RIC8B: variants seen among roughly 807,000 people sequenced by gnomAD.
RIC8B encodes RIC8 guanine nucleotide exchange factor B, also known as chaperone Ric-8B.
Under a neutral mutation model 57.5 loss-of-function variants are expected in RIC8B, and 16 were observed. The ratio of observed to expected loss-of-function variants is 0.28; its 90% CI spans 0.19 to 0.42. RIC8B has a LOEUF of 0.42. Ranked by LOEUF, RIC8B falls within the 10% of genes least tolerant of loss-of-function variation. The pLI is 1.00. For missense variants in RIC8B, 481 were observed against 677.0 expected (o/e 0.71, Z 3.21); for synonymous variants, 216 against 250.8 (o/e 0.86, Z 1.31).
chr12:106,791,908 T>A (rs2136196399), intron 2 of RIC8B, among the ~76,000 whole-genome samples: 1 of 152,360 alleles, frequency 6.6e-6, no homozygotes, highest in East Asian at 1.9e-4. Flanking sequence ...GGATGCTTGT[T>A]CTAAAAGCCC....
Position 106,879,306 on chromosome 12 carries a change from T to G in RIC8B, c.1572-6598T>G. The G allele has an allele frequency of 1.0e-6, 1 of 985,396 alleles. No individual in the cohort carries two copies. Among genetic ancestry groups the G allele is most frequent in the Non-Finnish European group, 1.2e-6 (1 of 829,912 alleles). The allele number at this position is 985,396 out of a possible 1,614,324, so 61.0% of individuals were successfully genotyped here. The stretch of plus-strand genomic sequence containing the variant: ...TTGCTTTCAGGTCAAGTAAAGTGTT[T>G]TATACACATACACGTCTGACCTATT... On this transcript the variant is annotated intron_variant, in intron 9 of 9. Coordinates refer to ENST00000392837, the MANE Select transcript of RIC8B (RefSeq NM_001330145.2). This position sits in a 1 kb window ranked among gnomAD's most constrained non-coding sequence, Gnocchi z 4.9.
At chr12:106,821,011 G>A (rs1593202660) in intron 3 of RIC8B, among the ~76,000 whole-genome samples, 1 of 152,172 alleles carries the variant, frequency 6.6e-6, no homozygotes, top group South Asian at 2.1e-4. Context: ...CAGGAGGAGA[G>A]AATATTGATG....
chr12:106,877,783 A>G (rs1468903008), intron 9 of RIC8B, among the ~76,000 whole-genome samples: 1 of 152,188 alleles, frequency 6.6e-6, no homozygotes, highest in Non-Finnish European at 1.5e-5. Flanking sequence ...ACACAAGTTA[A>G]TAAACTTTCT....
At chr12:106,796,746 A>G (rs2044501036) in intron 2 of RIC8B, among the ~76,000 whole-genome samples, 2 of 152,258 alleles carry the variant, frequency 1.3e-5, no homozygotes, top group African/African-American at 4.8e-5. Flanking sequence ...CTATCATGAA[A>G]GTAAAAAGAC....
chr12:106,793,193 C>G (rs554135235), intron 2 of RIC8B, among the ~76,000 whole-genome samples: 1 of 152,286 alleles, frequency 6.6e-6, no homozygotes, highest in South Asian at 2.1e-4. Flanking sequence ...CCAAGGAGAT[C>G]AAGGGTTGCT....
chr12:106,804,360 G>A (rs539458150), intron 2 of RIC8B, among the ~76,000 whole-genome samples: 36 of 151,938 alleles, frequency 2.4e-4, no homozygotes, highest in South Asian at 4.2e-4. Flanking sequence ...GATTACAGGC[G>A]CCCACTACCA....
rs1334733068 is a variant in RIC8B, at chr12:106,888,283, AAG to A, written c.*2273_*2274del. On this transcript the variant is annotated 3_prime_UTR_variant, in exon 10 of 10. Transcript: ENST00000392837. ...CTGGGCACTAAGCTTTGTTTTTGAA[AAG>A]AGAGTTTGCGGGGAAGAAGATGAGA... The A allele has an allele frequency of 2.0e-5, 3 of 152,192 alleles. No homozygotes were observed. Among genetic ancestry groups the A allele is most frequent in the East Asian group, 1.9e-4 (1 of 5,200 alleles). The allele number at this position is 152,192 out of a possible 1,614,324, so 9.4% of individuals were successfully genotyped here.
intron 4 of RIC8B, among the ~76,000 whole-genome samples, chr12:106,833,983 C>T (rs1055873782): frequency 1.3e-5 from 2 of 152,196 alleles, no homozygotes; most frequent in East Asian, 1.9e-4. Context: ...GCTCTCCCTT[C>T]GTCTTCCACC....
At chr12:106,862,181 TATA>T (rs1273817648) in intron 8 of RIC8B, among the ~76,000 whole-genome samples, 1 of 152,036 alleles carries the variant, frequency 6.6e-6, no homozygotes, top group Non-Finnish European at 1.5e-5. Flanking sequence ...GGACTTTGCT[TATA>T]ATATTCATAG....
At chr12:106,856,099 CT>C (rs1360916431) in intron 7 of RIC8B, among the ~76,000 whole-genome samples, 1 of 152,114 alleles carries the variant, frequency 6.6e-6, no homozygotes, top group Non-Finnish European at 1.5e-5. Flanking sequence ...ATTTTACCTC[CT>C]GTTAAATATC....
rs115825040 is a variant in RIC8B, at chr12:106,831,390, T to C, written c.836+5570T>C. On this transcript the variant is annotated intron_variant, in intron 4 of 9. Coordinates refer to ENST00000392837, the MANE Select transcript of RIC8B (RefSeq NM_001330145.2). ...CATGTGTTTATGATATGCAGTCTTA[T>C]GTAGAAAATCTGTTTCCCCTGGTCA... 6.8e-3 allele frequency among the ~76,000 whole-genome samples: 1,031 copies of C among 152,352 alleles called. 16 individuals carry two copies. The highest frequency in any genetic ancestry group is 0.024 in the African/African-American group (988 of 41,572).
At chr12:106,864,401 G>T (rs1395212756) in intron 8 of RIC8B, among the ~76,000 whole-genome samples, 1 of 152,046 alleles carries the variant, frequency 6.6e-6, no homozygotes, top group Non-Finnish European at 1.5e-5. Context: ...ATAATAGCTG[G>T]TATTTATTGA....
chr12:106,879,155 G>A lies in RIC8B; in HGVS notation c.1572-6749G>A. 1 of 985,780 alleles carries A rather than the reference G, an allele frequency of 1.0e-6. No individual in the cohort carries two copies. The highest frequency in any genetic ancestry group is 1.2e-6 in the Non-Finnish European group (1 of 829,900). 61.1% of individuals were successfully genotyped at this position (985,780 alleles called of 1,614,324 possible). On this transcript the variant is annotated intron_variant, in intron 9 of 9. Coordinates refer to ENST00000392837, the MANE Select transcript of RIC8B (RefSeq NM_001330145.2). This position sits in a 1 kb window ranked among gnomAD's most constrained non-coding sequence, Gnocchi z 4.9. ...ATTCGAAGGGACTCTTGGGAGATCT[G>A]CAAGTGGGAAACAAGAATGCATTTT...
chr12:106,889,058 G>A lies in RIC8B; in HGVS notation c.*3043G>A, dbSNP rs567189220. ...CACCTGTATTGACCTCTTCCCCTCT[G>A]ATTATAAAAGTAATATATGTTCATT... On this transcript the variant is annotated 3_prime_UTR_variant, in exon 10 of 10. Coordinates refer to ENST00000392837, the MANE Select transcript of RIC8B (RefSeq NM_001330145.2). 6.6e-6 allele frequency: 1 copy of A among 152,144 alleles called. No individual in the cohort carries two copies. The highest frequency in any genetic ancestry group is 2.1e-4 in the South Asian group (1 of 4,810). The allele number at this position is 152,144 out of a possible 1,614,324, so 9.4% of individuals were successfully genotyped here.
At chr12:106,870,736 C>A in intron 8 of RIC8B, 87 bp from the exon 9 acceptor site, 1 of 1,114,432 alleles carries the variant, frequency 9.0e-7, no homozygotes, top group Non-Finnish European at 1.2e-6. Flanking sequence ...TATACTCTTT[C>A]TTATTATCAC....
At chr12:106,862,542 A>C (rs939768981) in intron 8 of RIC8B, among the ~76,000 whole-genome samples, 3 of 152,102 alleles carry the variant, frequency 2.0e-5, no homozygotes, top group African/African-American at 7.2e-5. Flanking sequence ...TTACCAATCA[A>C]GCTTATAAAG....
intron 7 of RIC8B, among the ~76,000 whole-genome samples, chr12:106,859,655 T>C (rs1407008113): frequency 6.6e-6 from 1 of 152,134 alleles, no homozygotes; most frequent in Non-Finnish European, 1.5e-5. Context: ...AATTAGTAAT[T>C]GGTAGAGCCA....
chr12:106,823,305 CAA>C, intron 3 of RIC8B: 1 of 342,024 alleles, frequency 2.9e-6, no homozygotes, highest in Non-Finnish European at 6.0e-6. Context: ...ACCAGCGATG[CAA>C]AGAGCAGAGG....
intron 5 of RIC8B, 82 bp from the exon 6 acceptor site, chr12:106,843,770 A>T: frequency 1.1e-6 from 1 of 883,170 alleles, no homozygotes; most frequent in Non-Finnish European, 1.7e-6. Context: ...ACAAATTGAT[A>T]TCCTCAGTTA....
Sources: allele counts gnomAD v4.1 joint callset (sites outside exome capture counted in the v4.1 genomes callset), GRCh38; gene constraint gnomAD v4.1.1; non-coding constraint Gnocchi (gnomAD v3.1); transcripts MANE v1.5; gene names NCBI Gene and HGNC (gene_info 2026-07-23, HGNC 2026-07-21).